The following PGM1 variants were observed in gnomAD, a reference collection of about 807,000 sequenced individuals.
PGM1 encodes the protein phosphoglucomutase-1.
A neutral mutation model predicts 55.6 loss-of-function variants in PGM1; 52 were observed. That is an observed-to-expected ratio of 0.94 (90% CI 0.75 to 1.18). PGM1 has a LOEUF of 1.18. Ranked by LOEUF, PGM1 falls within the 50% of genes most tolerant of loss-of-function variation. The pLI, the probability that PGM1 is intolerant of heterozygous loss-of-function variation, is 0.00. For synonymous variants in PGM1, 287 were observed against 271.7 expected (o/e 1.06, Z -0.55); for missense variants, 724 against 729.3 (o/e 0.99, Z 0.08).
At chr1:63,624,034 A>G (rs530458458) in intron 1 of PGM1, among the ~76,000 whole-genome samples, 1 of 152,342 alleles carries the variant, frequency 6.6e-6, no homozygotes, top group South Asian at 2.1e-4. Context: ...TTAGACATTT[A>G]AAGCACACTC....
intron 1 of PGM1, among the ~76,000 whole-genome samples, chr1:63,621,908 G>A (rs1648887429): frequency 6.6e-6 from 1 of 152,110 alleles, no homozygotes; most frequent in African/African-American, 2.4e-5. Flanking sequence ...GAACACAGCG[G>A]CATTCTTGAC....
In PGM1 at chr1:63,593,440, C is replaced by G. The variant is rs551310804; in HGVS notation, c.-49C>G. On this transcript the variant is annotated 5_prime_UTR_variant, in exon 1 of 11. Coordinates refer to ENST00000371084, the MANE Select transcript of PGM1 (RefSeq NM_002633.3). ...CAGCTGCAGCCTCAGCCGGCCGCCCCTCCGCCAGCCAAGTCCGCCGCTCTG... is the reference window on the plus strand; with the variant it reads ...CAGCTGCAGCCTCAGCCGGCCGCCCGTCCGCCAGCCAAGTCCGCCGCTCTG... The G allele has an allele frequency of 2.8e-4, 459 of 1,611,498 alleles. 3 individuals carry two copies. In the South Asian group the frequency reaches 4.7e-3, roughly 16 times the overall value.
chr1:63,659,747 A>C lies in PGM1; in HGVS notation c.*72A>C. 8.7e-7 allele frequency: 1 copy of C among 1,145,188 alleles called. No homozygotes were observed. The highest frequency in any genetic ancestry group is 1.3e-6 in the Non-Finnish European group (1 of 754,244). 70.9% of individuals were successfully genotyped at this position (1,145,188 alleles called of 1,614,324 possible). On this transcript the variant is annotated 3_prime_UTR_variant, in exon 11 of 11. Coordinates refer to ENST00000371084, the MANE Select transcript of PGM1 (RefSeq NM_002633.3). ...AAGTCATCTGATTGAAGAGCATGAC[A>C]GAAACAAAATGTATTCACCAAGCAT...
intron 1 of PGM1, chr1:63,594,138 A>C: frequency 2.0e-6 from 2 of 997,376 alleles, no homozygotes; most frequent in Non-Finnish European, 2.4e-6. Context: ...CGCCTTAAGC[A>C]GGAAAGGTTA....
intron 1 of PGM1, chr1:63,599,964 A>G (rs1284111415): frequency 6.6e-6 from 1 of 152,264 alleles, no homozygotes; most frequent in African/African-American, 2.4e-5. Context: ...GAAGAAACAC[A>G]TAGACATACA....
rs969636907 is a variant in PGM1, at chr1:63,623,033, G to A, written c.247-6392G>A. Reference sequence around the variant, plus strand: ...GGTGTCTTGTTCACAAATCTGCTTCGTGGGACTGCATTTGCCCTCTTTGCC... The same window carrying A: ...GGTGTCTTGTTCACAAATCTGCTTCATGGGACTGCATTTGCCCTCTTTGCC... On this transcript the variant is annotated intron_variant, in intron 1 of 10. Transcript: ENST00000371084. The A allele has an allele frequency of 3.5e-5, 6 of 170,542 alleles. No individual in the cohort carries two copies. The East Asian group carries it at 6.9e-4, about 20-fold the overall frequency. 10.6% of individuals were successfully genotyped at this position (170,542 alleles called of 1,614,324 possible).
At chr1:63,640,146 C>T (rs1475085638) in intron 7 of PGM1, among the ~76,000 whole-genome samples, 2 of 152,290 alleles carry the variant, frequency 1.3e-5, no homozygotes, top group East Asian at 1.9e-4. Context: ...CATGAAACTC[C>T]CCACAGGGTC....
At chr1:63,611,796 G>A (rs1044502051) in intron 1 of PGM1, among the ~76,000 whole-genome samples, 2 of 152,084 alleles carry the variant, frequency 1.3e-5, no homozygotes, top group African/African-American at 4.8e-5. Context: ...CCAGCTATTC[G>A]GGAGGCTGAG....
At chr1:63,600,303 C>G (rs1157766082) in intron 1 of PGM1, 1 of 152,110 alleles carries the variant, frequency 6.6e-6, no homozygotes, top group African/African-American at 2.4e-5. Context: ...TTAATCAAAT[C>G]TAATGCTCAT....
intron 1 of PGM1, chr1:63,594,274 A>C (rs2100948909): frequency 1.0e-5 from 3 of 297,892 alleles, no homozygotes; most frequent in Middle Eastern, 3.5e-3. Context: ...GAGAGCACCC[A>C]TCCCCCTGGG....
chr1:63,657,852 AGGCAAT>A (rs1219901461), intron 10 of PGM1, among the ~76,000 whole-genome samples: 1 of 152,256 alleles, frequency 6.6e-6, no homozygotes, highest in African/African-American at 2.4e-5. Context: ...CTTCAACCAA[AGGCAAT>A]GGGGTCTGCA....
At chr1:63,614,777 C>T (rs1294476876) in intron 1 of PGM1, among the ~76,000 whole-genome samples, 2 of 152,250 alleles carry the variant, frequency 1.3e-5, no homozygotes, top group African/African-American at 4.8e-5. Context: ...TTTCCTTATC[C>T]CTAGGATAAG....
At chr1:63,622,933 G>A (rs908774501) in intron 1 of PGM1, among the ~76,000 whole-genome samples, 3 of 152,188 alleles carry the variant, frequency 2.0e-5, no homozygotes, top group African/African-American at 7.2e-5. Context: ...TTTAGCTGCA[G>A]ATGGCCTTCT....
At chr1:63,615,550 CTT>C (rs1161161385) in intron 1 of PGM1, among the ~76,000 whole-genome samples, 3,990 of 61,886 alleles carry the variant, frequency 0.064, 4 homozygotes, top group Non-Finnish European at 0.087. Context: ...TCTTCTTCTT[CTT>C]TTTTTTTTTT....
intron 6 of PGM1, among the ~76,000 whole-genome samples, chr1:63,637,310 A>C (rs1315867965): frequency 6.6e-6 from 1 of 152,236 alleles, no homozygotes; most frequent in Non-Finnish European, 1.5e-5. Context: ...GGAAAACCAA[A>C]GGACGAAGAA....
intron 10 of PGM1, among the ~76,000 whole-genome samples, chr1:63,657,492 A>G (rs370671949): frequency 1.3e-5 from 2 of 152,242 alleles, no homozygotes; most frequent in Admixed American, 1.3e-4. Flanking sequence ...TCTAACTTTA[A>G]GTGTAACATA....
chr1:63,635,087 G>A, intron 5 of PGM1, 68 bp downstream of exon 5: 1 of 1,373,836 alleles, frequency 7.3e-7, no homozygotes, highest in Non-Finnish European at 1.0e-6. Context: ...GGGGAAAAAA[G>A]TGGGCTGCTT....
rs573324686 is a variant in PGM1 at position 63,613,286 on chromosome 1, A to G, written c.247-16139A>G. Among the ~76,000 whole-genome samples, 8 of 81,602 alleles carry G rather than the reference A, an allele frequency of 9.8e-5. No individual in the cohort carries two copies. In the East Asian group the frequency reaches 1.1e-3, roughly 11 times the overall value. 53.5% of individuals were successfully genotyped at this position (81,602 alleles called of 152,430 possible). On this transcript the variant is annotated intron_variant, in intron 1 of 10. Coordinates refer to ENST00000371084, the MANE Select transcript of PGM1 (RefSeq NM_002633.3). ...TTTTTTTTTTTTTTTTTTTTTAAGC[A>G]CTTAGCAGTTTCCTAGGGCTGCTAT...
At chr1:63,632,977 C>A (rs931749374) in intron 4 of PGM1, among the ~76,000 whole-genome samples, 1 of 152,126 alleles carries the variant, frequency 6.6e-6, no homozygotes, top group Non-Finnish European at 1.5e-5. Context: ...GAGCGGAGAT[C>A]ACACCACTGC....
Sources: allele counts gnomAD v4.1 joint callset (sites outside exome capture counted in the v4.1 genomes callset), GRCh38; gene constraint gnomAD v4.1.1; transcripts MANE v1.5; gene names NCBI Gene and HGNC (gene_info 2026-07-23, HGNC 2026-07-21).